HIVEP2: variants seen among roughly 807,000 people sequenced by gnomAD.
HIVEP2 encodes HIVEP zinc finger 2.
Under a neutral mutation model 180.7 loss-of-function variants are expected in HIVEP2, and 14 were observed. The ratio of observed to expected loss-of-function variants is 0.08; its 90% CI spans 0.05 to 0.12. The LOEUF (loss-of-function observed/expected upper bound fraction) is 0.12, where lower values mean the gene tolerates loss of function less well. Among genes scored for constraint, HIVEP2 ranks in the 10% least tolerant of loss-of-function variants. The probability of loss-of-function intolerance (pLI) is 1.00; values close to 1 mark genes in which losing one functional copy is unlikely to be tolerated. For synonymous variants in HIVEP2, 1,184 were observed against 1,136.4 expected (o/e 1.04, Z -0.84); for missense variants, 2,579 against 3,008.5 (o/e 0.86, Z 3.34).
chr6:142,944,289 G>C (rs973948036), intron 1 of HIVEP2, among the ~76,000 whole-genome samples: 1 of 151,846 alleles, frequency 6.6e-6, no homozygotes, highest in African/African-American at 2.4e-5. Context: ...GGGACAGAAC[G>C]CGGGAGGCAC....
At chr6:142,885,437 A>T (rs2128418642) in intron 1 of HIVEP2, among the ~76,000 whole-genome samples, 1 of 152,122 alleles carries the variant, frequency 6.6e-6, no homozygotes, top group Middle Eastern at 3.4e-3. Context: ...GCATTCAGGG[A>T]ATTTAACAGC....
intron 2 of HIVEP2, among the ~76,000 whole-genome samples, chr6:142,823,307 T>C (rs1227049092): frequency 6.6e-6 from 1 of 152,142 alleles, no homozygotes; most frequent in Non-Finnish European, 1.5e-5. Context: ...ACAGCACCTT[T>C]ATCATAGGCA....
rs1029062586 is a variant in HIVEP2 at position 142,759,976 on chromosome 6, A to G, written c.6312T>C (p.Asp2104=). ...AALRREMSQR[D]VSPRRHLSPR... is the part of the protein sequence containing the mutation. ...GAGACAAATGCCTTCTTGGTGAAAC[A>G]TCTCTTTGGGACATCTCTCTTCTCA... Residue 2104 remains aspartate (D), a synonymous_variant, in exon 9 of 10, where the codon GAT becomes GAC. Transcript: ENST00000367603. 3 of 1,613,772 alleles carry G rather than the reference A, an allele frequency of 1.9e-6. No homozygotes were observed. Among genetic ancestry groups the G allele is most frequent in the East Asian group, 4.5e-5 (2 of 44,880 alleles).
intron 1 of HIVEP2, among the ~76,000 whole-genome samples, chr6:142,906,305 T>C (rs1158660646): frequency 6.6e-6 from 1 of 152,096 alleles, no homozygotes; most frequent in East Asian, 1.9e-4. Context: ...TTAAATCACA[T>C]TGAGAAATAG....
chr6:142,918,230 G>A (rs188103511), intron 1 of HIVEP2, among the ~76,000 whole-genome samples: 194 of 151,794 alleles, frequency 1.3e-3, no homozygotes, highest in Non-Finnish European at 2.5e-3. Flanking sequence ...TTTATCAATA[G>A]AGACCGGGTT....
intron 1 of HIVEP2, among the ~76,000 whole-genome samples, chr6:142,910,385 G>A (rs1041272411): frequency 2.6e-5 from 4 of 152,114 alleles, no homozygotes; most frequent in African/African-American, 9.7e-5. Context: ...GGCAGATCAC[G>A]AGGTCAAGAG....
At position 142,760,638 on chromosome 6, in the gene HIVEP2, C is replaced by T; in HGVS notation, c.5650G>A (p.Glu1884Lys). 2 of 1,606,936 alleles carry T rather than the reference C, an allele frequency of 1.2e-6. No homozygotes were observed. The highest frequency in any genetic ancestry group is 8.5e-7 in the Non-Finnish European group (1 of 1,176,928). The part of the protein sequence containing the change: ...ENLEDLHKAA[E>K]KHSMSSISTD... ...GAAATGCTGGACATGCTATGCTTCT[C>T]TGCTGCTTTGTGCAAATCTTCCAAA... The change falls in exon 9 of 10, where the codon GAG becomes AAG. Residue 1884 changes from glutamate to lysine, a missense_variant. By Grantham distance (56) the Glu-to-Lys change is moderately conservative. This residue lies in a region of HIVEP2 where 660 missense variants were observed against 731.7 expected (regional missense o/e 0.90). Transcript: ENST00000367603.
chr6:142,769,432 C>A (rs1389342707), intron 5 of HIVEP2, 120 bp downstream of exon 5: 3 of 870,358 alleles, frequency 3.4e-6, no homozygotes, highest in Non-Finnish European at 5.3e-6. Flanking sequence ...TCTGAAAACG[C>A]CCCCACACTG....
At chr6:142,815,914 A>G (rs1776822844) in intron 2 of HIVEP2, among the ~76,000 whole-genome samples, 1 of 152,230 alleles carries the variant, frequency 6.6e-6, no homozygotes, top group Non-Finnish European at 1.5e-5. Flanking sequence ...GAAACTCAAT[A>G]TCCTTTAAAA....
chr6:142,753,257 A>C lies in HIVEP2; in HGVS notation c.7191T>G (p.Phe2397Leu). 6.2e-7 allele frequency: 1 copy of C among 1,614,194 alleles called. No individual in the cohort carries two copies. Among genetic ancestry groups the C allele is most frequent in the Non-Finnish European group, 8.5e-7 (1 of 1,180,022 alleles). The change falls in exon 10 of 10, where the codon TTT (phenylalanine) becomes TTG (leucine). Residue 2397 changes from phenylalanine (F) to leucine (L), a missense_variant. Physicochemically the swap from Phe to Leu is conservative, Grantham distance 22 (BLOSUM62 0). Coordinates refer to ENST00000367603, the MANE Select transcript of HIVEP2 (RefSeq NM_006734.4). Reference sequence around the variant, plus strand: ...GAGCTAATGGAGTCTGTGATGTACCAAAATTGTCCTTTTCACCATCATGCA... The same window carrying C: ...GAGCTAATGGAGTCTGTGATGTACCCAAATTGTCCTTTTCACCATCATGCA... Reference protein sequence around the residue: ...PDLHDGEKDNFGTSQTPLAHS... With the variant: ...PDLHDGEKDNLGTSQTPLAHS...
intron 1 of HIVEP2, among the ~76,000 whole-genome samples, chr6:142,884,462 T>TA (rs889786852): frequency 3.8e-4 from 57 of 149,230 alleles, no homozygotes; most frequent in Non-Finnish European, 3.7e-4. Context: ...AATTGTCATT[T>TA]AAAAAAAAAA....
At position 142,798,304 on chromosome 6, in the gene HIVEP2, C is replaced by T. The variant is rs891741212; in HGVS notation, c.-527-14689G>A. On this transcript the variant is annotated intron_variant, in intron 2 of 9. Transcript: ENST00000367603. ...GAAAAGAAAAGAAAAGAAAAGAAACCGGCTCCTCAAGGCTTCACAGATCTC... is the reference window on the plus strand; with the variant it reads ...GAAAAGAAAAGAAAAGAAAAGAAACTGGCTCCTCAAGGCTTCACAGATCTC... Among the ~76,000 whole-genome samples, 12 of 151,940 alleles carry T rather than the reference C, an allele frequency of 7.9e-5. No individual in the cohort carries two copies. The East Asian group carries it at 1.2e-3, about 15-fold the overall frequency.
chr6:142,788,217 T>C (rs1379724516), intron 2 of HIVEP2: 3 of 152,098 alleles, frequency 2.0e-5, no homozygotes, highest in Admixed American at 6.5e-5. Flanking sequence ...AAATGACGAG[T>C]TAATGGGTGC....
chr6:142,761,016 A>G (rs1484982069), intron 8 of HIVEP2, among the ~76,000 whole-genome samples: 1 of 152,246 alleles, frequency 6.6e-6, no homozygotes, highest in Non-Finnish European at 1.5e-5. Context: ...CTGCAAGCTC[A>G]GGTACAAACG....
intron 2 of HIVEP2, among the ~76,000 whole-genome samples, chr6:142,828,756 A>T (rs1427362334): frequency 6.6e-6 from 1 of 152,120 alleles, no homozygotes; most frequent in East Asian, 1.9e-4. Flanking sequence ...ATCCCCAACT[A>T]AATTTTCAGC....
chr6:142,923,759 G>C (rs2128435505), intron 1 of HIVEP2, among the ~76,000 whole-genome samples: 1 of 152,304 alleles, frequency 6.6e-6, no homozygotes, highest in East Asian at 1.9e-4. Context: ...AGCCAGCCCT[G>C]TGGAGCCCCT....
chr6:142,811,214 A>T (rs2114795353), intron 2 of HIVEP2, among the ~76,000 whole-genome samples: 1 of 152,202 alleles, frequency 6.6e-6, no homozygotes, highest in South Asian at 2.1e-4. Flanking sequence ...AGAGACAGAG[A>T]GAGAGAGAGA....
At position 142,770,450 on chromosome 6, in the gene HIVEP2, T is replaced by C. The variant is rs748135195; in HGVS notation, c.4289A>G (p.Asp1430Gly). Residue 1430 changes from aspartate to glycine, a missense_variant, in exon 5 of 10, where the codon GAC becomes GGC. Transcript: ENST00000367603. The surrounding 1 kb of genome is among the most constrained non-coding windows in gnomAD (Gnocchi z 4.7). Reference sequence around the variant, plus strand: ...GCTACCTCCCAGGGTGGCCACGCTGTCAGAGGTGGAAGGTAAACACAAGGG... The same window carrying C: ...GCTACCTCCCAGGGTGGCCACGCTGCCAGAGGTGGAAGGTAAACACAAGGG... ...SIPLCLPSTS[D>G]SVATLGGSKR... is the part of the protein sequence containing the mutation. 6.2e-7 allele frequency: 1 copy of C among 1,613,984 alleles called. No individual in the cohort carries two copies. The highest frequency in any genetic ancestry group is 8.5e-7 in the Non-Finnish European group (1 of 1,180,024).
intron 1 of HIVEP2, among the ~76,000 whole-genome samples, chr6:142,925,443 A>G (rs1480084071): frequency 6.6e-6 from 1 of 152,210 alleles, no homozygotes; most frequent in Non-Finnish European, 1.5e-5. Flanking sequence ...TTCATAACCC[A>G]TAACTTTGCC....
Sources: allele counts gnomAD v4.1 joint callset (sites outside exome capture counted in the v4.1 genomes callset), GRCh38; gene constraint gnomAD v4.1.1; regional missense constraint gnomAD v4.1.1; non-coding constraint Gnocchi (gnomAD v3.1); transcripts MANE v1.5; gene names NCBI Gene and HGNC (gene_info 2026-07-23, HGNC 2026-07-21).